The following LRRC27 variants were observed in gnomAD, a reference collection of about 807,000 sequenced individuals.
LRRC27 encodes the protein leucine-rich repeat-containing protein 27.
LRRC27 carries 57 observed loss-of-function variants against 55.0 expected under a neutral mutation model. That is an observed-to-expected ratio of 1.04 (90% CI 0.84 to 1.29). The LOEUF is 1.29. Ranked by LOEUF, LRRC27 falls within the 50% of genes most tolerant of loss-of-function variation. LRRC27 has a pLI of 0.00. For synonymous variants in LRRC27, 278 were observed against 251.9 expected (o/e 1.10, Z -0.98); for missense variants, 721 against 651.5 (o/e 1.11, Z -1.16).
chr10:132,330,287 C>G, upstream of LRRC27: 1 of 606,708 alleles, frequency 1.6e-6, no homozygotes, highest in Admixed American at 2.7e-5. Context: ...GGAATACGCT[C>G]AAATGGTTAG....
chr10:132,330,621 C>T (rs897966129), upstream of LRRC27: 5 of 679,664 alleles, frequency 7.4e-6, no homozygotes, highest in Non-Finnish European at 1.4e-5. Context: ...GATCCTCTTG[C>T]CTCACCCTCC....
At position 132,344,476 on chromosome 10, in the gene LRRC27, GTTT is replaced by G. The variant is rs745378262; in HGVS notation, c.401-15_401-13del. ...AAGAATGGTATATAGAATGCTGACA[GTTT>G]TTTTTTCCTCCACTGCAGGGAGCGT... On this transcript the variant is annotated intron_variant, in intron 4 of 10. Transcript: ENST00000368614. 1 of 1,553,782 alleles carries G rather than the reference GTTT, an allele frequency of 6.4e-7. No individual in the cohort carries two copies. The highest frequency in any genetic ancestry group is 8.8e-7 in the Non-Finnish European group (1 of 1,135,006).
chr10:132,364,445 ACACCCACACTCACACC>A lies in LRRC27; in HGVS notation c.1290-968_1290-953del, dbSNP rs1403219917. The stretch of plus-strand genomic sequence containing the variant: ...TACACCCACGCTTACATCTACCTCC[ACACCCACACTCACACC>A]CACCCACACTTACACCCACCCACAC... On this transcript the variant is annotated intron_variant, in intron 9 of 10. Transcript: ENST00000368614. Among the ~76,000 whole-genome samples the A allele has an allele frequency of 3.5e-3, 417 of 117,942 alleles. 1 individual carries two copies. The highest frequency in any genetic ancestry group is 5.5e-3 in the African/African-American group (154 of 28,038). 77.4% of individuals were successfully genotyped at this position (117,942 alleles called of 152,430 possible). A position where few individuals can be genotyped will look rare whatever the true frequency, so the allele number is the denominator to read the frequency against.
At chr10:132,370,089 G>A (rs2133102963) in intron 10 of LRRC27, among the ~76,000 whole-genome samples, 1 of 152,272 alleles carries the variant, frequency 6.6e-6, no homozygotes, top group African/African-American at 2.4e-5. Flanking sequence ...TGTAAATGGT[G>A]GAGCTTTCAG....
Position 132,378,573 on chromosome 10 carries a change from T to C in LRRC27, c.*3331T>C, listed in dbSNP as rs1477906386. The C allele has an allele frequency of 6.6e-6, 1 of 152,294 alleles. No individual in the cohort carries two copies. The highest frequency in any genetic ancestry group is 1.5e-5 in the Non-Finnish European group (1 of 68,086). 9.4% of individuals were successfully genotyped at this position (152,294 alleles called of 1,614,324 possible). On this transcript the variant is annotated 3_prime_UTR_variant, in exon 11 of 11. Coordinates refer to ENST00000368614, the MANE Select transcript of LRRC27 (RefSeq NM_030626.3). ...TGTAACCTGCACGTCTCTTCTGTCA[T>C]GTGTTCTATTTTTCATTCCTCTCTG...
chr10:132,353,105 C>T, intron 7 of LRRC27: 5 of 1,493,170 alleles, frequency 3.3e-6, no homozygotes, highest in Non-Finnish European at 4.5e-6. Context: ...ACCACAGCCA[C>T]AGCACCCCCG....
chr10:132,331,179 A>G (rs995372530), upstream of LRRC27, among the ~76,000 whole-genome samples: 2 of 133,364 alleles, frequency 1.5e-5, no homozygotes, highest in Non-Finnish European at 3.1e-5. Context: ...CCAGCCTGGG[A>G]GACAAAGCAA....
chr10:132,355,583 C>T (rs1356162182), intron 7 of LRRC27, among the ~76,000 whole-genome samples: 3 of 152,184 alleles, frequency 2.0e-5, no homozygotes, highest in Admixed American at 6.5e-5. Flanking sequence ...CACAGAGCCT[C>T]GGGATAGAAC....
At chr10:132,347,324 T>G (rs2067753637) in intron 5 of LRRC27, among the ~76,000 whole-genome samples, 1 of 137,326 alleles carries the variant, frequency 7.3e-6, no homozygotes, top group Non-Finnish European at 1.6e-5. Flanking sequence ...GTGGGGCCTG[T>G]GTGGGAAGGT....
At chr10:132,369,265 T>A (rs996778196) in intron 10 of LRRC27, among the ~76,000 whole-genome samples, 8 of 152,244 alleles carry the variant, frequency 5.3e-5, no homozygotes, top group African/African-American at 1.9e-4. Flanking sequence ...ATCACACTCC[T>A]TGGTGTTTAC....
chr10:132,361,440 T>A lies in LRRC27; in HGVS notation c.1171-17T>A, dbSNP rs2068610823. ...ATCTACTGGGATTCCAGAAATCATC[T>A]TGTTGCATTTTCCTAGGTGGCATCA... On this transcript the variant is annotated splice_polypyrimidine_tract_variant and intron_variant, in intron 8 of 10. Coordinates refer to ENST00000368614, the MANE Select transcript of LRRC27 (RefSeq NM_030626.3). 6.4e-7 allele frequency: 1 copy of A among 1,569,574 alleles called. No homozygotes were observed. The highest frequency in any genetic ancestry group is 1.7e-5 in the Admixed American group (1 of 59,936).
At chr10:132,352,088 T>G (rs2068053938) in intron 7 of LRRC27, among the ~76,000 whole-genome samples, 3 of 57,930 alleles carry the variant, frequency 5.2e-5, no homozygotes, top group African/African-American at 6.0e-5. Context: ...CAGCGCTCCG[T>G]GTGGGGCAGA....
chr10:132,355,111 C>T (rs998892438), intron 7 of LRRC27, among the ~76,000 whole-genome samples: 5 of 152,134 alleles, frequency 3.3e-5, no homozygotes, highest in African/African-American at 7.2e-5. Context: ...AGTCTTGCTC[C>T]GTCACCCAGG....
In LRRC27 at chr10:132,375,282, A is replaced by T; in HGVS notation, c.*40A>T. 5.7e-6 allele frequency: 9 copies of T among 1,571,286 alleles called. No homozygotes were observed. The highest frequency in any genetic ancestry group is 7.8e-6 in the Non-Finnish European group (9 of 1,153,722). On this transcript the variant is annotated 3_prime_UTR_variant, in exon 11 of 11. Transcript: ENST00000368614. Reference sequence around the variant, plus strand: ...ACTGATGGAGACGTCTTCAGACAGGAGCCGCTCAGTCTTCTTTCCCGGGCG... The same window carrying T: ...ACTGATGGAGACGTCTTCAGACAGGTGCCGCTCAGTCTTCTTTCCCGGGCG...
At position 132,351,626 on chromosome 10, in the gene LRRC27, A is replaced by G. The variant is rs757912185; in HGVS notation, c.946A>G (p.Arg316Gly). Residue 316 changes from arginine to glycine, a missense_variant, in exon 7 of 11, where the codon AGG (arginine) becomes GGG (glycine). By Grantham distance (125) the Arg-to-Gly change is moderately radical (BLOSUM62 -2). Coordinates refer to ENST00000368614, the MANE Select transcript of LRRC27 (RefSeq NM_030626.3). The stretch of plus-strand genomic sequence containing the variant: ...TTTTAGAAGGAAGACAGCCTCCTCC[A>G]GGAGCATCTTACCCGACCTCTTGTC... ...HVFRRKTASS[R>G]SILPDLLSPY... 5.6e-6 allele frequency: 9 copies of G among 1,613,922 alleles called. No individual in the cohort carries two copies. The South Asian group carries it at 7.7e-5, about 14-fold the overall frequency.
chr10:132,362,204 G>A (rs1369425306), intron 9 of LRRC27, among the ~76,000 whole-genome samples: 1 of 152,188 alleles, frequency 6.6e-6, no homozygotes, highest in Admixed American at 6.5e-5. Flanking sequence ...GGGCGGCCAG[G>A]CTGCTGGGCA....
intron 9 of LRRC27, among the ~76,000 whole-genome samples, chr10:132,364,842 A>AATTACACCCACGCTTACATCTACCT (rs2068973101): frequency 2.7e-5 from 4 of 146,970 alleles, no homozygotes; most frequent in Non-Finnish European, 4.5e-5. Flanking sequence ...CCACGCCCAC[A>AATTACACCCACGCTTACATCTACCT]CCCTGGGGCC....
chr10:132,348,070 G>A lies in LRRC27; in HGVS notation c.640G>A (p.Ala214Thr). The change falls in exon 6 of 11, where the codon GCT (alanine) becomes ACT (threonine). Residue 214 changes from alanine (A) to threonine (T), a missense_variant. Coordinates refer to ENST00000368614, the MANE Select transcript of LRRC27 (RefSeq NM_030626.3). This position sits in a 1 kb window ranked among gnomAD's most constrained non-coding sequence, Gnocchi z 4.2. ...LSGDHASNQGAVNAQDPEGAV... is the reference protein window; with the variant it reads ...LSGDHASNQGTVNAQDPEGAV... ...TGGAGACCACGCGTCTAACCAAGGA[G>A]CTGTGAACGCTCAGGACCCAGAGGG... The A allele has an allele frequency of 6.2e-7, 1 of 1,614,118 alleles. No homozygotes were observed. Among genetic ancestry groups the A allele is most frequent in the Non-Finnish European group, 8.5e-7 (1 of 1,180,044 alleles).
intron 10 of LRRC27, chr10:132,367,127 C>T (rs1433558328): frequency 2.8e-6 from 1 of 360,538 alleles, no homozygotes; most frequent in East Asian, 1.6e-4. Flanking sequence ...GTATTATGAA[C>T]AACTCTAGCC....
Sources: gnomAD v4.1 joint callset for allele counts (sites outside exome capture counted in the v4.1 genomes callset) on GRCh38, gnomAD v4.1.1 for gene constraint, Gnocchi (gnomAD v3.1) non-coding constraint, MANE v1.5 for transcripts, NCBI Gene and HGNC (gene_info 2026-07-23, HGNC 2026-07-21) for gene names.